The following SGSM1 variants were observed in gnomAD, a reference collection of about 807,000 sequenced individuals.
SGSM1 encodes the protein RUN and TBC1 domain containing 2.
Under a neutral mutation model 133.8 loss-of-function variants are expected in SGSM1, and 73 were observed. The ratio of observed to expected loss-of-function variants is 0.55; its 90% CI spans 0.45 to 0.66. The LOEUF (loss-of-function observed/expected upper bound fraction) is 0.66. SGSM1 is among the 30% of genes least tolerant of loss of function. SGSM1 has a pLI of 0.00. For synonymous variants in SGSM1, 563 were observed against 573.0 expected (o/e 0.98, Z 0.25); for missense variants, 1,213 against 1,448.1 (o/e 0.84, Z 2.64).
chr22:24,857,655 G>A (rs79310197), intron 8 of SGSM1, among the ~76,000 whole-genome samples: 19 of 152,038 alleles, frequency 1.2e-4, no homozygotes, highest in African/African-American at 3.6e-4. Flanking sequence ...TCCATCTTCC[G>A]TATCACTTTT....
chr22:24,870,991 T>C (rs1931739488), intron 12 of SGSM1, among the ~76,000 whole-genome samples: 1 of 152,238 alleles, frequency 6.6e-6, no homozygotes, highest in Non-Finnish European at 1.5e-5. Flanking sequence ...ACTTGGATCC[T>C]TGTCTGCCCT....
intron 18 of SGSM1, 134 bp from the exon 19 acceptor site, chr22:24,897,834 CACTG>C: frequency 1.3e-6 from 1 of 748,382 alleles, no homozygotes; most frequent in Non-Finnish European, 2.2e-6. Flanking sequence ...TCGTTCTTTT[CACTG>C]ACTGTATGGT....
chr22:24,867,063 C>T, intron 9 of SGSM1, 30 bp from the exon 10 acceptor site: 1 of 1,610,036 alleles, frequency 6.2e-7, no homozygotes, highest in Non-Finnish European at 8.5e-7. Flanking sequence ...GGCAGAAGTC[C>T]TGCAAGCCTG....
At chr22:24,807,532 G>T (rs149150512) in intron 2 of SGSM1, among the ~76,000 whole-genome samples, 1 of 152,036 alleles carries the variant, frequency 6.6e-6, no homozygotes, top group Middle Eastern at 3.4e-3. Context: ...AATAACTAGG[G>T]CTGTGACTCC....
intron 2 of SGSM1, among the ~76,000 whole-genome samples, chr22:24,810,052 C>T (rs562681227): frequency 6.6e-5 from 10 of 152,142 alleles, no homozygotes; most frequent in South Asian, 4.2e-4. Context: ...CCGAAGTGAC[C>T]GGAGCAGAGA....
intron 2 of SGSM1, among the ~76,000 whole-genome samples, chr22:24,837,642 C>T (rs932027226): frequency 1.2e-4 from 17 of 145,048 alleles, no homozygotes; most frequent in Non-Finnish European, 1.8e-4. Context: ...CTTTTGCTAC[C>T]GCTGGACCAC....
At chr22:24,808,531 G>A (rs1267792252) in intron 2 of SGSM1, among the ~76,000 whole-genome samples, 1 of 152,124 alleles carries the variant, frequency 6.6e-6, no homozygotes, top group Admixed American at 6.5e-5. Flanking sequence ...CCAGACCTAC[G>A]TGTAATATGT....
chr22:24,888,969 A>G (rs1340800577), intron 16 of SGSM1, among the ~76,000 whole-genome samples: 1 of 116,180 alleles, frequency 8.6e-6, no homozygotes, highest in African/African-American at 3.6e-5. Context: ...TTTTTGAGAC[A>G]GAGTGTCTGT....
At chr22:24,863,581 T>C (rs1230175759) in intron 9 of SGSM1, among the ~76,000 whole-genome samples, 5 of 152,122 alleles carry the variant, frequency 3.3e-5, no homozygotes, top group Admixed American at 6.5e-5. Flanking sequence ...CACCAGAACC[T>C]GAGGCTCAAT....
At chr22:24,814,656 G>T (rs1435923232) in intron 2 of SGSM1, among the ~76,000 whole-genome samples, 3 of 152,178 alleles carry the variant, frequency 2.0e-5, no homozygotes, top group South Asian at 2.1e-4. Flanking sequence ...CACCCTTTTG[G>T]GAGTAAGATG....
chr22:24,863,748 T>C (rs556521369), intron 9 of SGSM1, among the ~76,000 whole-genome samples: 157 of 151,038 alleles, frequency 1.0e-3, no homozygotes, highest in African/African-American at 3.7e-3. Context: ...TCTTTTCTTT[T>C]TTTTTTTTTT....
intron 2 of SGSM1, among the ~76,000 whole-genome samples, chr22:24,843,237 G>A (rs569756096): frequency 6.6e-6 from 1 of 152,228 alleles, no homozygotes; most frequent in East Asian, 1.9e-4. Flanking sequence ...ACTGAAATCA[G>A]GAGCTGTTCA....
intron 16 of SGSM1, among the ~76,000 whole-genome samples, chr22:24,888,048 G>T (rs1020492841): frequency 1.9e-4 from 29 of 151,884 alleles, no homozygotes; most frequent in African/African-American, 2.9e-4. Context: ...GGATTGTTTG[G>T]TTTTTTTTCC....
At chr22:24,817,422 G>A (rs570539485) in intron 2 of SGSM1, among the ~76,000 whole-genome samples, 4 of 151,066 alleles carry the variant, frequency 2.6e-5, no homozygotes, top group South Asian at 2.1e-4. Flanking sequence ...GCGCCATCTC[G>A]GCTCCCTGCA....
At chr22:24,896,100 A>G (rs1329354864) in intron 18 of SGSM1, among the ~76,000 whole-genome samples, 1 of 152,058 alleles carries the variant, frequency 6.6e-6, no homozygotes, top group Non-Finnish European at 1.5e-5. Context: ...GTGTGTTGTC[A>G]CCTTTTGTGT....
intron 2 of SGSM1, among the ~76,000 whole-genome samples, chr22:24,836,314 T>C (rs2143928): frequency 0.016 from 2,484 of 152,330 alleles, 72 homozygotes; most frequent in African/African-American, 0.055. Context: ...TAGTATTCCA[T>C]TGTGTGTGTA....
chr22:24,894,317 C>G (rs894047978), intron 17 of SGSM1, among the ~76,000 whole-genome samples: 1 of 152,174 alleles, frequency 6.6e-6, no homozygotes, highest in African/African-American at 2.4e-5. Flanking sequence ...CACTTAAACC[C>G]GGGAGGCGGA....
At chr22:24,815,899 G>A (rs1928042293) in intron 2 of SGSM1, among the ~76,000 whole-genome samples, 1 of 152,104 alleles carries the variant, frequency 6.6e-6, no homozygotes, top group South Asian at 2.1e-4. Context: ...CTGATGTTTG[G>A]TTTCCTGAGA....
chr22:24,890,867 CTA>C (rs1487891672), intron 16 of SGSM1, among the ~76,000 whole-genome samples: 1 of 152,182 alleles, frequency 6.6e-6, no homozygotes, highest in African/African-American at 2.4e-5. Flanking sequence ...ATTTTACACT[CTA>C]TATTCGTGTA....
Sources: gnomAD v4.1 joint callset for allele counts (sites outside exome capture counted in the v4.1 genomes callset) on GRCh38, gnomAD v4.1.1 for gene constraint, MANE v1.5 for transcripts, NCBI Gene and HGNC (gene_info 2026-07-23, HGNC 2026-07-21) for gene names.